The following PVT1 variants were observed in gnomAD, a reference collection of about 807,000 sequenced individuals.
The protein encoded by PVT1 is CXCR4/PVT1 fusion.
At chr8:127,847,972 T>C (rs1309771715) in intron 2 of PVT1, among the ~76,000 whole-genome samples, 2 of 152,118 alleles carry the variant, frequency 1.3e-5, no homozygotes, top group Non-Finnish European at 2.9e-5. Flanking sequence ...GGTGTGATCA[T>C]AGCTTGCTGC....
intron 3 of PVT1, among the ~76,000 whole-genome samples, chr8:127,955,617 C>T (rs941364977): frequency 2.7e-5 from 4 of 148,666 alleles, no homozygotes; most frequent in Non-Finnish European, 5.9e-5. Context: ...GAGACAGTCT[C>T]TGTCGCCCAG....
At chr8:127,894,786 A>G (rs769038571) in intron 3 of PVT1, among the ~76,000 whole-genome samples, 18 of 152,140 alleles carry the variant, frequency 1.2e-4, no homozygotes, top group Admixed American at 6.5e-4. Flanking sequence ...AATTGTTTCT[A>G]TTTGCGGTAC....
chr8:128,064,012 C>T (rs1464756377), intron 4 of PVT1, among the ~76,000 whole-genome samples: 3 of 152,042 alleles, frequency 2.0e-5, no homozygotes, highest in African/African-American at 7.2e-5. Context: ...AAGAAAACCC[C>T]CATCCCCACG....
chr8:127,887,676 C>A (rs867531312), intron 2 of PVT1, among the ~76,000 whole-genome samples: 4 of 152,104 alleles, frequency 2.6e-5, no homozygotes, highest in South Asian at 2.1e-4. Flanking sequence ...CAGGCACCTG[C>A]CACCACACCT....
intron 2 of PVT1, among the ~76,000 whole-genome samples, chr8:127,838,063 A>T (rs1044871379): frequency 4.0e-5 from 6 of 151,796 alleles, no homozygotes; most frequent in African/African-American, 1.4e-4. Flanking sequence ...ATGCCCGGCT[A>T]ATTTTGTATT....
chr8:127,918,100 C>T (rs928334516), intron 3 of PVT1, among the ~76,000 whole-genome samples: 9 of 152,256 alleles, frequency 5.9e-5, no homozygotes, highest in African/African-American at 1.9e-4. Context: ...CGCTGCCTTT[C>T]ATCTCTGCTC....
chr8:128,011,074 C>G (rs1313261711), intron 4 of PVT1, among the ~76,000 whole-genome samples: 1 of 152,176 alleles, frequency 6.6e-6, no homozygotes, highest in East Asian at 1.9e-4. Context: ...ACCCAGGCCT[C>G]TGGCTCATTC....
intron 3 of PVT1, among the ~76,000 whole-genome samples, chr8:127,936,891 G>T (rs1217714803): frequency 6.6e-6 from 1 of 152,256 alleles, no homozygotes; most frequent in African/African-American, 2.4e-5. Flanking sequence ...GACACACTGT[G>T]TGTCCTTGGT....
Position 127,997,044 on chromosome 8 carries a change from G to GTTTTTTT in PVT1, n.912+7759_912+7765dup, listed in dbSNP as rs1293036762. 2.1e-3 allele frequency among the ~76,000 whole-genome samples: 174 copies of GTTTTTTT among 81,546 alleles called. 32 individuals carry two copies. The highest frequency in any genetic ancestry group is 2.4e-3 in the Non-Finnish European group (109 of 44,490). The allele number at this position is 81,546 out of a possible 152,430, so 53.5% of individuals were successfully genotyped here. The stretch of plus-strand genomic sequence containing the variant: ...GAACATTCACTGGTCATTTGCTTTC[G>GTTTTTTT]TTTTTTTTTTTTGTTTGTTTGTTTT... On this transcript the variant is annotated intron_variant and non_coding_transcript_variant, in intron 4 of 10. Coordinates refer to ENST00000651587, the Ensembl canonical transcript of PVT1.
intron 4 of PVT1, among the ~76,000 whole-genome samples, chr8:128,012,734 T>C (rs149529098): frequency 2.0e-3 from 306 of 152,342 alleles, no homozygotes; most frequent in African/African-American, 7.0e-3. Context: ...GCCAGAGTCC[T>C]GTTTTGTACC....
intron 4 of PVT1, among the ~76,000 whole-genome samples, chr8:128,049,705 G>A (rs986840399): frequency 6.6e-6 from 1 of 152,194 alleles, no homozygotes; most frequent in Non-Finnish European, 1.5e-5. Flanking sequence ...AGGTCAGGGG[G>A]CCTATCCTTC....
rs181398147 is a variant in PVT1, at chr8:128,002,023, A to G, written n.912+12732A>G. 2.7e-3 allele frequency among the ~76,000 whole-genome samples: 409 copies of G among 152,278 alleles called. 3 individuals are homozygous for G. The Middle Eastern group carries it at 0.027, about 10-fold the overall frequency. On this transcript the variant is annotated intron_variant and non_coding_transcript_variant, in intron 4 of 10. Transcript: ENST00000651587. ...CAGACTGTAGCAGCTCCCCAGCACA[A>G]TCCTGCTCGACCGAATTCACCTTCC...
intron 4 of PVT1, among the ~76,000 whole-genome samples, chr8:128,018,674 CT>C (rs1239857759): frequency 6.6e-6 from 1 of 152,222 alleles, no homozygotes; most frequent in Non-Finnish European, 1.5e-5. Context: ...GTCCAGCCAG[CT>C]TCCTGGGAAG....
chr8:127,877,407 C>G (rs1815418014), intron 2 of PVT1, among the ~76,000 whole-genome samples: 1 of 152,156 alleles, frequency 6.6e-6, no homozygotes, highest in Non-Finnish European at 1.5e-5. Flanking sequence ...TGACTGGTGA[C>G]TGATAAATGC....
intron 2 of PVT1, among the ~76,000 whole-genome samples, chr8:127,854,112 C>G (rs535843021): frequency 2.0e-5 from 3 of 152,238 alleles, no homozygotes; most frequent in Non-Finnish European, 4.4e-5. Flanking sequence ...CCTTGCCCTC[C>G]GTAGGCAGGC....
intron 4 of PVT1, among the ~76,000 whole-genome samples, chr8:128,020,924 C>T (rs745413465): frequency 6.6e-6 from 1 of 152,208 alleles, no homozygotes; most frequent in Non-Finnish European, 1.5e-5. Context: ...CCTGCTGCTC[C>T]TGAATGAGCA....
chr8:128,084,742 T>G (rs1474254867), intron 5 of PVT1, among the ~76,000 whole-genome samples: 3 of 152,202 alleles, frequency 2.0e-5, no homozygotes, highest in African/African-American at 7.2e-5. Context: ...TGAAACCACT[T>G]CCCAGAAAGC....
At chr8:128,071,078 G>T (rs1813981087) in intron 5 of PVT1, among the ~76,000 whole-genome samples, 1 of 152,120 alleles carries the variant, frequency 6.6e-6, no homozygotes, top group African/African-American at 2.4e-5. Flanking sequence ...ATTGCTTTGG[G>T]GATTAGATCC....
intron 3 of PVT1, among the ~76,000 whole-genome samples, chr8:127,919,041 T>G (rs771201938): frequency 1.1e-3 from 174 of 152,334 alleles, no homozygotes; most frequent in Non-Finnish European, 2.2e-3. Context: ...ATGACCGCTG[T>G]CAGGTTGGTG....
Sources: gnomAD v4.1 joint callset for allele counts (sites outside exome capture counted in the v4.1 genomes callset) on GRCh38, gnomAD v4.1.1 for gene constraint, MANE v1.5 for transcripts, NCBI Gene and HGNC (gene_info 2026-07-23, HGNC 2026-07-21) for gene names.